The following AK5 variants were observed in gnomAD, a reference collection of about 807,000 sequenced individuals.
AK5 encodes adenylate kinase isoenzyme 5.
A neutral mutation model predicts 69.5 loss-of-function variants in AK5; 27 were observed. The observed-to-expected ratio is 0.39, with a 90% confidence interval of 0.29 to 0.54. The LOEUF is 0.54. AK5 is among the 20% of genes least tolerant of loss of function. The probability of loss-of-function intolerance (pLI) is 0.71; values close to 1 mark genes in which losing one functional copy is unlikely to be tolerated. For missense variants in AK5, 531 were observed against 700.4 expected, an observed-to-expected ratio of 0.76 and a Z score of 2.73; for synonymous variants, 260 against 244.4, an observed-to-expected ratio of 1.06 and a Z score of -0.60.
chr1:77,390,376 G>C (rs1057489971), intron 6 of AK5, among the ~76,000 whole-genome samples: 1 of 152,170 alleles, frequency 6.6e-6, no homozygotes, highest in Non-Finnish European at 1.5e-5. Flanking sequence ...ATTTCACTAT[G>C]TGAAAATTAT....
chr1:77,359,280 G>A (rs1461342508), intron 6 of AK5, among the ~76,000 whole-genome samples: 1 of 151,162 alleles, frequency 6.6e-6, no homozygotes, highest in Non-Finnish European at 1.5e-5. Flanking sequence ...TTATAAAAGA[G>A]AACCCATTAA....
At chr1:77,473,167 G>A (rs1362506633) in intron 8 of AK5, among the ~76,000 whole-genome samples, 4 of 151,708 alleles carry the variant, frequency 2.6e-5, no homozygotes, top group African/African-American at 9.7e-5. Context: ...TGTTGCATGA[G>A]CAGTAGAATC....
At chr1:77,337,018 C>A (rs2100370694) in intron 5 of AK5, among the ~76,000 whole-genome samples, 1 of 152,242 alleles carries the variant, frequency 6.6e-6, no homozygotes, top group East Asian at 1.9e-4. Context: ...TCAAGGTCAT[C>A]TTTTTCAGGC....
In AK5 at chr1:77,299,068, T is replaced by G. The variant is rs141884730; in HGVS notation, c.699+1121T>G. On this transcript the variant is annotated intron_variant, in intron 5 of 13. Coordinates refer to ENST00000354567, the MANE Select transcript of AK5 (RefSeq NM_174858.3). ...GCTCATATACAAATGCATTCTAAAT[T>G]TTTATAATGACTTTTCCAAGTTATA... Among the ~76,000 whole-genome samples, 412 of 152,246 alleles carry G rather than the reference T, an allele frequency of 2.7e-3. 6 individuals carry two copies. Among genetic ancestry groups the G allele is most frequent in the African/African-American group, 9.4e-3 (390 of 41,554 alleles).
At chr1:77,346,890 A>C (rs2602933) in intron 6 of AK5, among the ~76,000 whole-genome samples, 142,957 of 152,026 alleles carry the variant, frequency 0.94, 67,825 homozygotes, top group East Asian at 1. Flanking sequence ...CTTGCCCCAA[A>C]AAACCCATTC....
At position 77,282,683 on chromosome 1, in the gene AK5, G is replaced by C. The variant is rs899731054; in HGVS notation, c.60+310G>C. 3.5e-6 allele frequency: 4 copies of C among 1,134,864 alleles called. No individual in the cohort carries two copies. In the Admixed American group the frequency reaches 1.5e-4, roughly 43 times the overall value. 70.3% of individuals were successfully genotyped at this position (1,134,864 alleles called of 1,614,324 possible). ...ACACCCAGGGTGGGCTGCAGACCGC[G>C]GCCGGGCCGCACTCTCTGGGGGCGA... On this transcript the variant is annotated intron_variant, in intron 1 of 13. Transcript: ENST00000354567.
intron 8 of AK5, among the ~76,000 whole-genome samples, chr1:77,477,050 C>T (rs1423467435): frequency 6.7e-6 from 1 of 148,428 alleles, no homozygotes; most frequent in Admixed American, 6.7e-5. Flanking sequence ...GTTTCTGAGA[C>T]AGGGTCTCAC....
intron 6 of AK5, among the ~76,000 whole-genome samples, chr1:77,370,983 T>G (rs774240911): frequency 2.6e-5 from 4 of 152,248 alleles, no homozygotes; most frequent in Non-Finnish European, 5.9e-5. Context: ...CCAGTTATGC[T>G]TTCTTCTTTC....
At chr1:77,375,648 T>C (rs930459551) in intron 6 of AK5, among the ~76,000 whole-genome samples, 4 of 152,202 alleles carry the variant, frequency 2.6e-5, no homozygotes, top group Non-Finnish European at 4.4e-5. Context: ...GTATTTGCAA[T>C]ATGTCATCTG....
intron 5 of AK5, among the ~76,000 whole-genome samples, chr1:77,300,846 C>T (rs1349620628): frequency 6.6e-6 from 1 of 152,138 alleles, no homozygotes; most frequent in African/African-American, 2.4e-5. Flanking sequence ...TGACTCAGAA[C>T]CCAGAAAAAC....
chr1:77,525,820 T>C (rs1036133497), intron 12 of AK5, among the ~76,000 whole-genome samples: 7 of 152,358 alleles, frequency 4.6e-5, no homozygotes, highest in South Asian at 2.1e-4. Context: ...TCTGTCTTTA[T>C]GCCTGTACCA....
At chr1:77,463,913 A>G (rs1415212951) in intron 8 of AK5, among the ~76,000 whole-genome samples, 1 of 152,156 alleles carries the variant, frequency 6.6e-6, no homozygotes, top group African/African-American at 2.4e-5. Flanking sequence ...TAGGGGTAGG[A>G]GGGGTGCTTA....
At chr1:77,465,377 T>A (rs973659271) in intron 8 of AK5, among the ~76,000 whole-genome samples, 3 of 151,954 alleles carry the variant, frequency 2.0e-5, no homozygotes, top group Admixed American at 2.0e-4. Flanking sequence ...TGAAAAAAAA[T>A]GAAAAAATAA....
intron 13 of AK5, among the ~76,000 whole-genome samples, chr1:77,542,802 A>G (rs6702968): frequency 0.026 from 3,958 of 152,244 alleles, 118 homozygotes; most frequent in South Asian, 0.1. Flanking sequence ...CCATTTTTAT[A>G]TACATTTTGT....
intron 13 of AK5, among the ~76,000 whole-genome samples, chr1:77,555,781 T>C (rs1660067202): frequency 6.6e-6 from 1 of 152,290 alleles, no homozygotes. Flanking sequence ...TGTAAATTCC[T>C]GTTGAATGTT....
chr1:77,380,892 T>G (rs1647583390), intron 6 of AK5, among the ~76,000 whole-genome samples: 1 of 152,172 alleles, frequency 6.6e-6, no homozygotes, highest in South Asian at 2.1e-4. Flanking sequence ...GGTGAAAGTG[T>G]GGCATGGTGA....
chr1:77,533,090 A>G (rs894750291), intron 12 of AK5, among the ~76,000 whole-genome samples: 10 of 152,238 alleles, frequency 6.6e-5, no homozygotes, highest in African/African-American at 2.4e-4. Flanking sequence ...AGCTTTTTAT[A>G]TAGGAAGAGA....
intron 5 of AK5, among the ~76,000 whole-genome samples, chr1:77,338,074 C>T (rs1023542159): frequency 1.3e-5 from 2 of 151,792 alleles, no homozygotes; most frequent in Non-Finnish European, 2.9e-5. Context: ...AAGTGATTCT[C>T]CTGTCTCTGT....
intron 10 of AK5, among the ~76,000 whole-genome samples, chr1:77,503,571 T>A (rs1656848470): frequency 6.6e-6 from 1 of 152,174 alleles, no homozygotes; most frequent in Non-Finnish European, 1.5e-5. Flanking sequence ...TTAAACTGAT[T>A]AAGACTGGAT....
Sources: gnomAD v4.1 joint callset for allele counts (sites outside exome capture counted in the v4.1 genomes callset) on GRCh38, gnomAD v4.1.1 for gene constraint, MANE v1.5 for transcripts, NCBI Gene and HGNC (gene_info 2026-07-23, HGNC 2026-07-21) for gene names.